NRBP1: variants seen among roughly 807,000 people sequenced by gnomAD.
NRBP1 encodes nuclear receptor-binding protein.
In NRBP1, 10 loss-of-function variants were observed where a neutral mutation model predicts 76.0. The ratio of observed to expected loss-of-function variants is 0.13; its 90% CI spans 0.08 to 0.22. The LOEUF (loss-of-function observed/expected upper bound fraction) is 0.22, where lower values mean the gene tolerates loss of function less well. Among genes scored for constraint, NRBP1 ranks in the 10% least tolerant of loss-of-function variants. The pLI, the probability that NRBP1 is intolerant of heterozygous loss-of-function variation, is 1.00. For synonymous variants in NRBP1, 235 were observed against 240.2 expected (o/e 0.98, Z 0.20); for missense variants, 344 against 646.0 (o/e 0.53, Z 5.07).
At chr2:27,434,965 C>G (rs1664249873) in intron 6 of NRBP1, 168 bp from the exon 7 acceptor site, 1 of 662,328 alleles carries the variant, frequency 1.5e-6, no homozygotes, top group South Asian at 1.8e-5. Context: ...CCTCTTTCTC[C>G]TAGTGCTTAT....
rs771738179 is a variant in NRBP1, at chr2:27,434,548, G to A, written c.513G>A (p.Thr171=). ...AGAAGACCAAAAAGAACCACAAGAC[G>A]ATGAATGAAAAGGTATAGAAGGAGA... ...FLKKTKKNHK[T]MNEKAWKRWC... The change falls in exon 5 of 18, where the codon ACG becomes ACA. Residue 171 remains threonine, a synonymous_variant. Coordinates refer to ENST00000379852, the MANE Select transcript of NRBP1 (RefSeq NM_013392.4). 5 of 1,613,690 alleles carry A rather than the reference G, an allele frequency of 3.1e-6. No individual in the cohort carries two copies. The highest frequency in any genetic ancestry group is 4.2e-6 in the Non-Finnish European group (5 of 1,179,692).
intron 11 of NRBP1, 143 bp from the exon 12 acceptor site, chr2:27,440,260 C>T (rs563435724): frequency 4.1e-5 from 27 of 653,922 alleles, no homozygotes; most frequent in Admixed American, 2.4e-4. Context: ...CTGTCCGCCT[C>T]GGCTTCCCAA....
At position 27,433,812 on chromosome 2, in the gene NRBP1, A is replaced by G; in HGVS notation, c.333+17A>G. The G allele has an allele frequency of 6.2e-7, 1 of 1,614,048 alleles. No homozygotes were observed. Among genetic ancestry groups the G allele is most frequent in the Non-Finnish European group, 8.5e-7 (1 of 1,179,982 alleles). ...CTGCAGGAGGTAGGTGATGCTGAAA[A>G]GGTGAAGCCTGGGGAATGTTGGAAC... On this transcript the variant is annotated intron_variant, in intron 3 of 17. Transcript: ENST00000379852.
At chr2:27,436,521 T>C in intron 7 of NRBP1, 2 of 516,578 alleles carry the variant, frequency 3.9e-6, no homozygotes, top group East Asian at 6.6e-5. Context: ...GGTGCTTTTG[T>C]TGCTCCTGAT....
At chr2:27,428,386 G>A, upstream of NRBP1, 1 of 352,564 alleles carries the variant, frequency 2.8e-6, no homozygotes, top group Non-Finnish European at 5.1e-6. Context: ...AGAACCATCT[G>A]GGGCACCTGG....
chr2:27,431,745 G>T (rs1006541199), intron 1 of NRBP1: 1 of 152,326 alleles, frequency 6.6e-6, no homozygotes, highest in Non-Finnish European at 1.5e-5. Context: ...AAGGGTTTCA[G>T]CTGGATAAGT....
At chr2:27,441,059 C>G (rs982165622) in intron 14 of NRBP1, 68 bp from the exon 15 acceptor site, 10 of 1,608,276 alleles carry the variant, frequency 6.2e-6, no homozygotes, top group Non-Finnish European at 8.5e-6. Flanking sequence ...CCTATGGGCT[C>G]GAAAGACGTC....
chr2:27,436,044 G>A, intron 7 of NRBP1: 1 of 531,870 alleles, frequency 1.9e-6, no homozygotes, highest in Non-Finnish European at 3.4e-6. Flanking sequence ...TGTAGTCATT[G>A]TTTATGATCT....
intron 2 of NRBP1, 56 bp downstream of exon 2, chr2:27,433,539 G>C: frequency 6.2e-7 from 1 of 1,605,948 alleles, no homozygotes; most frequent in Non-Finnish European, 8.5e-7. Context: ...GGTGAGAACT[G>C]GAAGAGCAAA....
At position 27,441,255 on chromosome 2, in the gene NRBP1, C is replaced by T; in HGVS notation, c.1384-12C>T. The T allele has an allele frequency of 6.2e-7, 1 of 1,614,070 alleles. No homozygotes were observed. Among genetic ancestry groups the T allele is most frequent in the Non-Finnish European group, 8.5e-7 (1 of 1,180,002 alleles). On this transcript the variant is annotated splice_polypyrimidine_tract_variant and intron_variant, in intron 15 of 17. Transcript: ENST00000379852. ...AAGAAAAGTCTCATTTTCTGACTGT[C>T]CTATTCTCCAGCTGACACTTCTGCT...
Position 27,433,553 on chromosome 2 carries a change from T to C in NRBP1, c.210+70T>C. On this transcript the variant is annotated intron_variant, in intron 2 of 17. Transcript: ENST00000379852. ...AGGTGAGAACTGGAAGAGCAAAGTCTTAAAAGAGGCCAACCAAACTTCAAT... is the reference window on the plus strand; with the variant it reads ...AGGTGAGAACTGGAAGAGCAAAGTCCTAAAAGAGGCCAACCAAACTTCAAT... The C allele has an allele frequency of 1.9e-6, 3 of 1,604,182 alleles. No individual in the cohort carries two copies. The South Asian group carries it at 3.3e-5, about 18-fold the overall frequency.
intron 10 of NRBP1, among the ~76,000 whole-genome samples, chr2:27,438,686 A>C (rs1168412871): frequency 6.6e-6 from 1 of 152,198 alleles, no homozygotes; most frequent in Non-Finnish European, 1.5e-5. Flanking sequence ...GTGGTGGAAC[A>C]TGGTGGCTCA....
In NRBP1 at chr2:27,434,167, C is replaced by CA. The variant is rs1664217677; in HGVS notation, c.435+78dup. ...CATTTATTATTGTTCCTTTTACACT[C>CA]AGAGATTAAAACAAGGTAGTTTTGA... On this transcript the variant is annotated intron_variant, in intron 4 of 17. Coordinates refer to ENST00000379852, the MANE Select transcript of NRBP1 (RefSeq NM_013392.4). 3.4e-6 allele frequency: 4 copies of CA among 1,183,718 alleles called. No individual in the cohort carries two copies. The East Asian group carries it at 9.3e-5, about 28-fold the overall frequency. The allele number at this position is 1,183,718 out of a possible 1,614,324, so 73.3% of individuals were successfully genotyped here.
chr2:27,439,857 C>T lies in NRBP1; in HGVS notation c.995C>T (p.Ser332Leu), dbSNP rs1664457425. ...CACCCAGCATTGTTTGAAGTGCCCT[C>T]GCTCAAACTCCTTGCGGCCCACTGC... ...LFHPALFEVP[S>L]LKLLAAHCIV... is the part of the protein sequence containing the mutation. The change falls in exon 11 of 18, where the codon TCG becomes TTG. Residue 332 changes from serine (S) to leucine (L), a missense_variant. Ser to Leu is a moderately radical substitution (Grantham distance 145). Transcript: ENST00000379852. 7 of 1,614,026 alleles carry T rather than the reference C, an allele frequency of 4.3e-6. No homozygotes were observed. The East Asian group carries it at 6.7e-5, about 15-fold the overall frequency.
chr2:27,435,799 C>A (rs1572690248), intron 7 of NRBP1: 1 of 717,532 alleles, frequency 1.4e-6, no homozygotes, highest in East Asian at 2.7e-5. Context: ...CCTCTGCTCC[C>A]TTGGCGGCTG....
At chr2:27,431,441 GGGCATTTATT>G (rs1664112511) in intron 1 of NRBP1, among the ~76,000 whole-genome samples, 1 of 152,186 alleles carries the variant, frequency 6.6e-6, no homozygotes, top group Non-Finnish European at 1.5e-5. Flanking sequence ...GCTTGAATGT[GGGCATTTATT>G]TTGTTTGTTA....
chr2:27,431,755 T>C (rs762815152), intron 1 of NRBP1: 2 of 152,338 alleles, frequency 1.3e-5, no homozygotes, highest in African/African-American at 2.4e-5. Flanking sequence ...GCTGGATAAG[T>C]TGGCTGAGGG....
Position 27,440,903 on chromosome 2 carries a change from C to G in NRBP1, c.1292C>G (p.Thr431Ser), listed in dbSNP as rs1410562987. 7.4e-6 allele frequency: 12 copies of G among 1,613,952 alleles called. No individual in the cohort carries two copies. The East Asian group carries it at 1.6e-4, about 21-fold the overall frequency. The change falls in exon 14 of 18, where the codon ACT becomes AGT. Residue 431 changes from threonine (T) to serine (S), a missense_variant. Coordinates refer to ENST00000379852, the MANE Select transcript of NRBP1 (RefSeq NM_013392.4). ...TSPVVPPSVK[T>S]PTPEPAEVET... ...CCTGTCGTGCCCCCCTCTGTCAAGACTCCGACACCTGAACCAGCTGAGGTG... is the reference window on the plus strand; with the variant it reads ...CCTGTCGTGCCCCCCTCTGTCAAGAGTCCGACACCTGAACCAGCTGAGGTG...
chr2:27,436,747 TC>T lies in NRBP1; in HGVS notation c.662-3del. On this transcript the variant is annotated splice_polypyrimidine_tract_variant and splice_region_variant and intron_variant, in intron 7 of 17. Transcript: ENST00000379852. ...GTCAGATTGTGGGTGTCTCCCCTACTCCCAGTGGCTCCTGACACTATCAACA... is the reference window on the plus strand; with the variant it reads ...GTCAGATTGTGGGTGTCTCCCCTACTCCAGTGGCTCCTGACACTATCAACA... 1.2e-6 allele frequency: 2 copies of T among 1,611,914 alleles called. No individual in the cohort carries two copies. The highest frequency in any genetic ancestry group is 1.7e-6 in the Non-Finnish European group (2 of 1,177,966).
Sources: gnomAD v4.1 joint callset for allele counts (sites outside exome capture counted in the v4.1 genomes callset) on GRCh38, gnomAD v4.1.1 for gene constraint, MANE v1.5 for transcripts, NCBI Gene and HGNC (gene_info 2026-07-23, HGNC 2026-07-21) for gene names.